PJA2: variants seen among roughly 807,000 people sequenced by gnomAD.
PJA2 encodes the protein praja ring finger ubiquitin ligase 2.
PJA2 carries 25 observed loss-of-function variants against 69.3 expected under a neutral mutation model. That is an observed-to-expected ratio of 0.36 (90% CI 0.26 to 0.50). The LOEUF is 0.50. Among genes scored for constraint, PJA2 ranks in the 20% least tolerant of loss-of-function variants. The pLI is 0.96. For synonymous variants in PJA2, 308 were observed against 277.8 expected (o/e 1.11, Z -1.08); for missense variants, 809 against 830.2 (o/e 0.97, Z 0.31).
chr5:109,359,780 C>G (rs1224891125), intron 6 of PJA2, among the ~76,000 whole-genome samples: 5 of 152,144 alleles, frequency 3.3e-5, no homozygotes, highest in Non-Finnish European at 5.9e-5. Flanking sequence ...ACTGGTGGAA[C>G]AACTACAAAC....
intron 1 of PJA2, among the ~76,000 whole-genome samples, chr5:109,406,653 A>G (rs1195231338): frequency 6.6e-6 from 1 of 152,212 alleles, no homozygotes; most frequent in Non-Finnish European, 1.5e-5. Context: ...CAACCCAACA[A>G]GTTCCATGTC....
At chr5:109,392,858 C>A (rs1359387993) in intron 1 of PJA2, among the ~76,000 whole-genome samples, 1 of 152,040 alleles carries the variant, frequency 6.6e-6, no homozygotes, top group Non-Finnish European at 1.5e-5. Flanking sequence ...AAACTCAATT[C>A]CAAAAGCAAT....
chr5:109,375,671 T>TTAA (rs1746848741), intron 4 of PJA2, among the ~76,000 whole-genome samples: 1 of 152,126 alleles, frequency 6.6e-6, no homozygotes, highest in Non-Finnish European at 1.5e-5. Context: ...CAGGCCCAAA[T>TTAA]TAAGCAGCAG....
chr5:109,363,108 A>G, intron 5 of PJA2, 86 bp from the exon 6 acceptor site: 1 of 1,181,904 alleles, frequency 8.5e-7, no homozygotes, highest in Non-Finnish European at 1.2e-6. Context: ...ATGCAAGTGG[A>G]TTCTGTTGAG....
intron 5 of PJA2, among the ~76,000 whole-genome samples, chr5:109,367,143 A>AAAAAATAT (rs1252162401): frequency 1.8e-4 from 26 of 143,202 alleles, no homozygotes; most frequent in African/African-American, 6.6e-4. Flanking sequence ...CAAAAAAAAA[A>AAAAAATAT]ATATATATAT....
chr5:109,345,956 T>C (rs1245912118), intron 7 of PJA2, among the ~76,000 whole-genome samples: 1 of 152,136 alleles, frequency 6.6e-6, no homozygotes, highest in East Asian at 1.9e-4. Context: ...AGTTGAGACT[T>C]TTGTCTTTTT....
At chr5:109,407,653 A>C (rs537088710) in intron 1 of PJA2, among the ~76,000 whole-genome samples, 1 of 152,302 alleles carries the variant, frequency 6.6e-6, no homozygotes, top group African/African-American at 2.4e-5. Context: ...TAATCAACTC[A>C]ATAAAATAAT....
chr5:109,403,109 A>T (rs1747598995), intron 1 of PJA2, among the ~76,000 whole-genome samples: 1 of 152,172 alleles, frequency 6.6e-6, no homozygotes, highest in Admixed American at 6.5e-5. Flanking sequence ...TTAATAAAAT[A>T]AACCTAGAAC....
At chr5:109,361,898 G>A (rs1356632720) in intron 6 of PJA2, among the ~76,000 whole-genome samples, 1 of 152,224 alleles carries the variant, frequency 6.6e-6, no homozygotes, top group Non-Finnish European at 1.5e-5. Context: ...ATCTGGAACA[G>A]TCTGGAGAAG....
intron 6 of PJA2, among the ~76,000 whole-genome samples, chr5:109,357,284 C>T (rs908204776): frequency 3.9e-4 from 59 of 151,910 alleles, no homozygotes; most frequent in Non-Finnish European, 1.5e-4. Flanking sequence ...TAGTCCTAAA[C>T]ATCCACAAAC....
intron 7 of PJA2, among the ~76,000 whole-genome samples, chr5:109,354,228 G>A (rs62643552): frequency 6.1e-3 from 235 of 38,634 alleles, no homozygotes; most frequent in Middle Eastern, 0.033. Flanking sequence ...TATCTATGAT[G>A]TCTAGAGATT....
rs980469414 is a variant in PJA2, at chr5:109,336,982, G to C, written c.*249C>G. On this transcript the variant is annotated 3_prime_UTR_variant, in exon 10 of 10. Coordinates refer to ENST00000361189, the MANE Select transcript of PJA2 (RefSeq NM_014819.5). ...TGGAGAGAGTCAACTGATAAGCTTG[G>C]CTTTACAATTAATACAAACATATTC... 4.6e-6 allele frequency: 1 copy of C among 217,076 alleles called. No individual in the cohort carries two copies. Among genetic ancestry groups the C allele is most frequent in the Non-Finnish European group, 8.8e-6 (1 of 113,338 alleles). The allele number at this position is 217,076 out of a possible 1,614,324, so 13.4% of individuals were successfully genotyped here.
At chr5:109,404,849 T>C (rs2127020168) in intron 1 of PJA2, among the ~76,000 whole-genome samples, 1 of 152,294 alleles carries the variant, frequency 6.6e-6, no homozygotes, top group South Asian at 2.1e-4. Flanking sequence ...TCACACTCAA[T>C]AATGAAAGAT....
chr5:109,391,817 T>C (rs577919658), intron 1 of PJA2, among the ~76,000 whole-genome samples: 29 of 152,118 alleles, frequency 1.9e-4, no homozygotes, highest in Non-Finnish European at 3.8e-4. Context: ...TTCCAACACA[T>C]AGCAAGAAAA....
intron 4 of PJA2, among the ~76,000 whole-genome samples, chr5:109,376,256 TAAAA>T (rs10612724): frequency 3.8e-4 from 51 of 132,592 alleles, no homozygotes; most frequent in African/African-American, 9.1e-4. Flanking sequence ...ATATTGTTTG[TAAAA>T]AAAAAAAAAA....
intron 9 of PJA2, among the ~76,000 whole-genome samples, chr5:109,341,009 G>A (rs1393598228): frequency 7.7e-5 from 11 of 142,104 alleles, no homozygotes; most frequent in African/African-American, 2.0e-4. Flanking sequence ...CCTCCCAGCC[G>A]CCTGCCTTGG....
At chr5:109,374,132 T>A (rs1223642521) in intron 4 of PJA2, among the ~76,000 whole-genome samples, 1 of 152,220 alleles carries the variant, frequency 6.6e-6, no homozygotes, top group Non-Finnish European at 1.5e-5. Flanking sequence ...AATATATAAG[T>A]CTGCTTAATT....
chr5:109,338,070 T>C (rs941159940), intron 9 of PJA2, among the ~76,000 whole-genome samples: 1 of 152,132 alleles, frequency 6.6e-6, no homozygotes, highest in Non-Finnish European at 1.5e-5. Context: ...TGGACGATTA[T>C]AGAGCTACGT....
intron 1 of PJA2, among the ~76,000 whole-genome samples, chr5:109,398,037 A>C (rs1316054702): frequency 1.3e-5 from 2 of 152,232 alleles, no homozygotes; most frequent in East Asian, 3.9e-4. Flanking sequence ...TGCAGCCAAG[A>C]GACATATGAA....
Sources: allele counts gnomAD v4.1 joint callset (sites outside exome capture counted in the v4.1 genomes callset), GRCh38; gene constraint gnomAD v4.1.1; transcripts MANE v1.5; gene names NCBI Gene and HGNC (gene_info 2026-07-23, HGNC 2026-07-21).